Variants in CADPS2 observed in about 807,000 individuals in gnomAD.
CADPS2 encodes the protein calcium-dependent secretion activator 2.
CADPS2 carries 93 observed loss-of-function variants against 172.5 expected under a neutral mutation model. The ratio of observed to expected loss-of-function variants is 0.54; its 90% CI spans 0.46 to 0.64. CADPS2 has a LOEUF of 0.64. Among genes scored for constraint, CADPS2 ranks in the 30% least tolerant of loss-of-function variants. CADPS2 has a pLI of 0.00. For missense variants in CADPS2, 1,420 were observed against 1,565.9 expected (o/e 0.91, Z 1.57); for synonymous variants, 546 against 555.2 (o/e 0.98, Z 0.23).
intron 1 of CADPS2, among the ~76,000 whole-genome samples, chr7:122,831,460 A>C (rs1028267342): frequency 2.6e-5 from 4 of 152,246 alleles, no homozygotes; most frequent in Non-Finnish European, 5.9e-5. Flanking sequence ...CTTGTATTTC[A>C]ATTGGAGACA....
chr7:122,540,147 G>T (rs1266201104), intron 8 of CADPS2, among the ~76,000 whole-genome samples: 1 of 152,014 alleles, frequency 6.6e-6, no homozygotes, highest in Non-Finnish European at 1.5e-5. Flanking sequence ...AAGTTTCCAT[G>T]TGGTATCAAC....
intron 1 of CADPS2, among the ~76,000 whole-genome samples, chr7:122,876,932 CA>C (rs1323983753): frequency 6.6e-6 from 1 of 151,656 alleles, no homozygotes; most frequent in African/African-American, 2.4e-5. Flanking sequence ...AAAAACAAAA[CA>C]AAAAAACTAT....
chr7:122,389,534 T>C (rs2044113802), intron 22 of CADPS2, among the ~76,000 whole-genome samples: 1 of 151,912 alleles, frequency 6.6e-6, no homozygotes, highest in Admixed American at 6.6e-5. Context: ...AGAAGTTACC[T>C]TCTAGAAGGT....
intron 3 of CADPS2, among the ~76,000 whole-genome samples, chr7:122,632,899 C>A (rs2076713693): frequency 6.6e-6 from 1 of 152,180 alleles, no homozygotes. Flanking sequence ...GGTCTAGTTT[C>A]ATTCTTCTGC....
intron 1 of CADPS2, among the ~76,000 whole-genome samples, chr7:122,785,850 C>T (rs1194188031): frequency 6.6e-6 from 1 of 152,136 alleles, no homozygotes; most frequent in Non-Finnish European, 1.5e-5. Context: ...CCTCAAGCCC[C>T]ACACACCATT....
At chr7:122,645,359 ATG>A (rs2078255626) in intron 3 of CADPS2, among the ~76,000 whole-genome samples, 1 of 104,856 alleles carries the variant, frequency 9.5e-6, no homozygotes, top group Non-Finnish European at 2.3e-5. Context: ...GTGTGTATAC[ATG>A]TACATGTATA....
intron 27 of CADPS2, among the ~76,000 whole-genome samples, chr7:122,356,103 C>G (rs1279521794): frequency 1.3e-5 from 2 of 152,082 alleles, no homozygotes; most frequent in Non-Finnish European, 2.9e-5. Flanking sequence ...GAGCTTTATT[C>G]AGTTTCCCTT....
intron 8 of CADPS2, among the ~76,000 whole-genome samples, chr7:122,527,553 C>T (rs11979634): frequency 0.034 from 4,891 of 145,630 alleles, 256 homozygotes; most frequent in African/African-American, 0.12. Context: ...CAAAACATCA[C>T]CTTTAATACT....
Position 122,606,599 on chromosome 7 carries a change from T to A in CADPS2, c.1223+8582A>T, listed in dbSNP as rs377572952. 4.6e-5 allele frequency among the ~76,000 whole-genome samples: 7 copies of A among 152,214 alleles called. No individual in the cohort carries two copies. The East Asian group carries it at 9.7e-4, about 21-fold the overall frequency. Reference sequence around the variant, plus strand: ...GGGTAGGAGAATGAGGACTGGACTTTCTACCAATCTGGGCAGATGCTGGGC... The same window carrying A: ...GGGTAGGAGAATGAGGACTGGACTTACTACCAATCTGGGCAGATGCTGGGC... On this transcript the variant is annotated intron_variant, in intron 6 of 29. Transcript: ENST00000449022.
chr7:122,784,421 C>T (rs1793533817), intron 1 of CADPS2, among the ~76,000 whole-genome samples: 4 of 152,194 alleles, frequency 2.6e-5, no homozygotes, highest in South Asian at 4.1e-4. Flanking sequence ...ATTTACTGTG[C>T]TTATTTCCTC....
intron 14 of CADPS2, among the ~76,000 whole-genome samples, chr7:122,454,349 C>G (rs188240408): frequency 6.6e-6 from 1 of 152,102 alleles, no homozygotes; most frequent in African/African-American, 2.4e-5. Flanking sequence ...AAGGTCACAC[C>G]GCTGGGAAAT....
chr7:122,798,960 C>T (rs1796977522), intron 1 of CADPS2, among the ~76,000 whole-genome samples: 1 of 151,932 alleles, frequency 6.6e-6, no homozygotes, highest in Admixed American at 6.5e-5. Flanking sequence ...CAGCCTTATC[C>T]CTGTGACAAG....
At chr7:122,408,891 G>A (rs1315918533) in intron 19 of CADPS2, among the ~76,000 whole-genome samples, 8 of 152,126 alleles carry the variant, frequency 5.3e-5, no homozygotes, top group Admixed American at 2.0e-4. Context: ...ATAATAATCA[G>A]TAACTAAAAA....
intron 17 of CADPS2, among the ~76,000 whole-genome samples, chr7:122,437,739 C>G (rs780945264): frequency 2.0e-5 from 3 of 150,986 alleles, no homozygotes; most frequent in Non-Finnish European, 4.4e-5. Flanking sequence ...GACTTTGCCA[C>G]AAATTCCAAT....
chr7:122,795,906 G>A (rs1009661242), intron 1 of CADPS2, among the ~76,000 whole-genome samples: 2 of 152,126 alleles, frequency 1.3e-5, no homozygotes, highest in African/African-American at 4.8e-5. Context: ...AATAGGAAGA[G>A]AGAAAGTCAA....
At chr7:122,394,363 TC>T (rs1156726090) in intron 20 of CADPS2, among the ~76,000 whole-genome samples, 1 of 152,172 alleles carries the variant, frequency 6.6e-6, no homozygotes, top group Admixed American at 6.5e-5. Flanking sequence ...TGCCTAAGTT[TC>T]ACCATTAAAA....
chr7:122,705,887 A>AT (rs1491122907), intron 2 of CADPS2, among the ~76,000 whole-genome samples: 872 of 1,534 alleles, frequency 0.57, 334 homozygotes, highest in African/African-American at 0.6. Context: ...ATAATATAAT[A>AT]AATATAATAT....
intron 17 of CADPS2, among the ~76,000 whole-genome samples, chr7:122,428,726 C>T (rs900211671): frequency 3.3e-5 from 5 of 152,038 alleles, no homozygotes; most frequent in Admixed American, 2.0e-4. Flanking sequence ...ACCTTGGCCT[C>T]CCAAAGTGCT....
intron 16 of CADPS2, among the ~76,000 whole-genome samples, chr7:122,440,992 T>A (rs892236677): frequency 6.6e-6 from 1 of 152,132 alleles, no homozygotes; most frequent in East Asian, 1.9e-4. Context: ...GGTTATTTTG[T>A]GGGGGAGAAA....
Sources: gnomAD v4.1 joint callset for allele counts (sites outside exome capture counted in the v4.1 genomes callset) on GRCh38, gnomAD v4.1.1 for gene constraint, MANE v1.5 for transcripts, NCBI Gene and HGNC (gene_info 2026-07-23, HGNC 2026-07-21) for gene names.